USP42: variants seen among roughly 807,000 people sequenced by gnomAD.
The protein encoded by USP42 is ubiquitin carboxyl-terminal hydrolase 42.
A neutral mutation model predicts 113.0 loss-of-function variants in USP42; 23 were observed. That is an observed-to-expected ratio of 0.20 (90% CI 0.15 to 0.29). USP42 has a LOEUF of 0.29. USP42 is among the 10% of genes least tolerant of loss of function. The pLI, the probability that USP42 is intolerant of heterozygous loss-of-function variation, is 1.00. For synonymous variants in USP42, 933 were observed against 699.0 expected (o/e 1.33, Z -5.28); for missense variants, 2,174 against 1,779.8 (o/e 1.22, Z -3.99).
At chr7:6,132,569 G>A (rs1780909676) in intron 3 of USP42, among the ~76,000 whole-genome samples, 1 of 152,010 alleles carries the variant, frequency 6.6e-6, no homozygotes, top group Non-Finnish European at 1.5e-5. Flanking sequence ...ATGTTAGCCA[G>A]GCTGGTCTCA....
the USP42 span, among the ~76,000 whole-genome samples, chr7:6,092,530 C>T: frequency 1.3e-5 from 2 of 151,134 alleles, 1 homozygote; most frequent in African/African-American, 4.9e-5. Flanking sequence ...TCCTGAACAG[C>T]ATCCACTTCA....
At chr7:6,089,227 T>C in the USP42 span, among the ~76,000 whole-genome samples, 2 of 147,310 alleles carry the variant, frequency 1.4e-5, no homozygotes, top group Non-Finnish European at 3.0e-5. Flanking sequence ...TTTTTTTTTG[T>C]ATTTTTAGTA....
At position 6,126,313 on chromosome 7, in the gene USP42, C is replaced by G. The variant is rs58314329; in HGVS notation, c.443-9528C>G. 3.0e-3 allele frequency among the ~76,000 whole-genome samples: 428 copies of G among 141,050 alleles called. 2 individuals are homozygous for G. The highest frequency in any genetic ancestry group is 0.011 in the African/African-American group (415 of 37,712). 92.5% of individuals were successfully genotyped at this position (141,050 alleles called of 152,430 possible). Reference sequence around the variant, plus strand: ...CTTTTTTTTTTTTTTGAGAGGAAGTCTTGCTCTGTTGTCCAGGCTGGAGTG... The same window carrying G: ...CTTTTTTTTTTTTTTGAGAGGAAGTGTTGCTCTGTTGTCCAGGCTGGAGTG... On this transcript the variant is annotated intron_variant, in intron 3 of 17. Coordinates refer to ENST00000306177, the MANE Select transcript of USP42 (RefSeq NM_032172.3).
At chr7:6,148,808 C>T (rs1781866662) in intron 12 of USP42, among the ~76,000 whole-genome samples, 1 of 152,208 alleles carries the variant, frequency 6.6e-6, no homozygotes, top group South Asian at 2.1e-4. Flanking sequence ...AACAGAGTCA[C>T]ACATCAAATG....
rs577679280 is a variant in USP42 at position 6,114,421 on chromosome 7, A to G, written c.242-902A>G. On this transcript the variant is annotated intron_variant, in intron 2 of 17. Transcript: ENST00000306177. ...CGTCAACCAACTTTGACATTTATCAACTTACGGGCAGTGATACCAGCACCT... is the reference window on the plus strand; with the variant it reads ...CGTCAACCAACTTTGACATTTATCAGCTTACGGGCAGTGATACCAGCACCT... Among the ~76,000 whole-genome samples, 5 of 152,050 alleles carry G rather than the reference A, an allele frequency of 3.3e-5. No individual in the cohort carries two copies. In the South Asian group the frequency reaches 1.0e-3, roughly 32 times the overall value.
At chr7:6,143,468 C>G (rs1338639048) in intron 8 of USP42, among the ~76,000 whole-genome samples, 6 of 152,122 alleles carry the variant, frequency 3.9e-5, no homozygotes, top group Non-Finnish European at 8.8e-5. Flanking sequence ...CTGAAAAACT[C>G]TAATTTTGAT....
intron 3 of USP42, among the ~76,000 whole-genome samples, chr7:6,133,215 C>T (rs190681086): frequency 2.6e-5 from 4 of 152,274 alleles, no homozygotes; most frequent in East Asian, 1.9e-4. Flanking sequence ...AGTCAGGGTA[C>T]GAAACCATGC....
Position 6,149,872 on chromosome 7 carries a change from C to G in USP42, c.1676C>G (p.Thr559Ser). The change falls in exon 13 of 18, where the codon ACC (threonine) becomes AGC (serine). Residue 559 changes from threonine (T) to serine (S), a missense_variant. Coordinates refer to ENST00000306177, the MANE Select transcript of USP42 (RefSeq NM_032172.3). ...PTKPVPSSTITNSAVQSTSNA... is the reference protein window; with the variant it reads ...PTKPVPSSTISNSAVQSTSNA... Reference sequence around the variant, plus strand: ...AAGCCCGTTCCCTCTTCTACCATTACCAATTCTGCAGTACAGTCTACCTCG... The same window carrying G: ...AAGCCCGTTCCCTCTTCTACCATTAGCAATTCTGCAGTACAGTCTACCTCG... 6.2e-7 allele frequency: 1 copy of G among 1,614,068 alleles called. No individual in the cohort carries two copies. The highest frequency in any genetic ancestry group is 8.5e-7 in the Non-Finnish European group (1 of 1,179,902).
At chr7:6,089,202 G>A in the USP42 span, among the ~76,000 whole-genome samples, 5 of 149,276 alleles carry the variant, frequency 3.3e-5, no homozygotes, top group African/African-American at 1.3e-4. Context: ...CCGACACCAC[G>A]CCTGGCTAAT....
chr7:6,114,419 C>G (rs1779764693), intron 2 of USP42, among the ~76,000 whole-genome samples: 1 of 151,844 alleles, frequency 6.6e-6, no homozygotes, highest in African/African-American at 2.4e-5. Context: ...TGACATTTAT[C>G]AACTTACGGG....
chr7:6,127,813 G>A (rs555051271), intron 3 of USP42, among the ~76,000 whole-genome samples: 131 of 152,242 alleles, frequency 8.6e-4, no homozygotes, highest in Middle Eastern at 3.4e-3. Context: ...GATTTTGATA[G>A]GAAGTACACT....
upstream of USP42, among the ~76,000 whole-genome samples, chr7:6,100,004 C>CTATTATTAT (rs1554332997): frequency 4.4e-3 from 629 of 144,324 alleles, 6 homozygotes; most frequent in Middle Eastern, 7.0e-3. Context: ...TTTCACAAGT[C>CTATTATTAT]TATTATTATT....
At position 6,154,682 on chromosome 7, in the gene USP42, G is replaced by T. The variant is rs562093818; in HGVS notation, c.3128G>T (p.Gly1043Val). Residue 1043 changes from glycine to valine, a missense_variant, in exon 15 of 18, where the codon GGC becomes GTC. Gly to Val is a moderately radical substitution (Grantham distance 109). Transcript: ENST00000306177. ...CACCACTACACCGAGGGCGAGCGTG[G>T]CTGGGGCCGGGAGAAGTTCTACCCC... ...VRHHYTEGER[G>V]WGREKFYPDR... 1.9e-6 allele frequency: 3 copies of T among 1,604,778 alleles called. No individual in the cohort carries two copies. The South Asian group carries it at 3.4e-5, about 18-fold the overall frequency.
At chr7:6,117,811 C>CT (rs1270015456) in intron 3 of USP42, among the ~76,000 whole-genome samples, 1 of 152,102 alleles carries the variant, frequency 6.6e-6, no homozygotes, top group Non-Finnish European at 1.5e-5. Context: ...TGCTGAACCT[C>CT]TTTTCTTTTT....
In USP42 at chr7:6,142,903, T is replaced by TGTG. The variant is rs1275063210; in HGVS notation, c.796-25_796-23dup. 3.1e-6 allele frequency: 5 copies of TGTG among 1,605,976 alleles called. No homozygotes were observed. The East Asian group carries it at 1.1e-4, about 36-fold the overall frequency. On this transcript the variant is annotated intron_variant, in intron 7 of 17. Coordinates refer to ENST00000306177, the MANE Select transcript of USP42 (RefSeq NM_032172.3). ...AAACACAAGTGACGGTGTGCGGTGA[T>TGTG]GTGGTGTTTGTGCCTCTTCTCTTCC...
intron 3 of USP42, among the ~76,000 whole-genome samples, chr7:6,119,736 C>A (rs1035610176): frequency 6.6e-6 from 1 of 151,998 alleles, no homozygotes; most frequent in African/African-American, 2.4e-5. Flanking sequence ...CATTCTTGCT[C>A]TGTTGCCCAG....
Position 6,159,794 on chromosome 7 carries a change from C to T in USP42, c.*36+301C>T, listed in dbSNP as rs1343842879. Among the ~76,000 whole-genome samples, 3 of 152,246 alleles carry T rather than the reference C, an allele frequency of 2.0e-5. No homozygotes were observed. The highest frequency in any genetic ancestry group is 2.1e-4 in the South Asian group (1 of 4,832). On this transcript the variant is annotated intron_variant, in intron 17 of 17. Transcript: ENST00000306177. The surrounding 1 kb of genome is among the most constrained non-coding windows in gnomAD (Gnocchi z 4.1). ...TGGGAAAAGCCAACCCGGCTCACAG[C>T]GGCAGAGCCCACGGGCCTTTGATAA...
rs150896319 is a variant in USP42, at chr7:6,127,855, T to C, written c.443-7986T>C. On this transcript the variant is annotated intron_variant, in intron 3 of 17. Transcript: ENST00000306177. ...GTGTCTTAATTTGGGGGGATTAACA[T>C]CTTTACTATGTCCCTGAAGTCTGCT... is the stretch of plus-strand genomic sequence containing the variant. Among the ~76,000 whole-genome samples, 518 of 152,312 alleles carry C rather than the reference T, an allele frequency of 3.4e-3. 9 individuals carry two copies. The highest frequency in any genetic ancestry group is 0.012 in the African/African-American group (489 of 41,564).
At chr7:6,134,277 C>G (rs531488241) in intron 3 of USP42, among the ~76,000 whole-genome samples, 15 of 151,930 alleles carry the variant, frequency 9.9e-5, no homozygotes, top group Non-Finnish European at 1.0e-4. Context: ...AAGTTATTGT[C>G]TTCTGATTAT....
Sources: gnomAD v4.1 joint callset for allele counts (sites outside exome capture counted in the v4.1 genomes callset) on GRCh38, gnomAD v4.1.1 for gene constraint, Gnocchi (gnomAD v3.1) non-coding constraint, MANE v1.5 for transcripts, NCBI Gene and HGNC (gene_info 2026-07-23, HGNC 2026-07-21) for gene names.